The following PLS1 variants were observed in gnomAD, a reference collection of about 807,000 sequenced individuals.
The protein encoded by PLS1 is plastin 1.
PLS1 carries 32 observed loss-of-function variants against 73.7 expected under a neutral mutation model. That is an observed-to-expected ratio of 0.43 (90% CI 0.33 to 0.58). The LOEUF is 0.58. Among genes scored for constraint, PLS1 ranks in the 20% least tolerant of loss-of-function variants. The probability of loss-of-function intolerance (pLI) is 0.04; values close to 1 mark genes in which losing one functional copy is unlikely to be tolerated. For synonymous variants in PLS1, 217 were observed against 261.3 expected, an observed-to-expected ratio of 0.83 and a Z score of 1.63; for missense variants, 633 against 740.5, an observed-to-expected ratio of 0.85 and a Z score of 1.68.
chr3:142,706,117 TAGG>T (rs2038457166), intron 14 of PLS1, among the ~76,000 whole-genome samples: 1 of 152,186 alleles, frequency 6.6e-6, no homozygotes, highest in Admixed American at 6.5e-5. Context: ...AGAAAATATT[TAGG>T]AGCAAATTAA....
chr3:142,686,970 G>A (rs868442808), intron 9 of PLS1, among the ~76,000 whole-genome samples: 1 of 152,188 alleles, frequency 6.6e-6, no homozygotes, highest in African/African-American at 2.4e-5. Flanking sequence ...TCAATTATCA[G>A]TTTTACCAGC....
intron 6 of PLS1, among the ~76,000 whole-genome samples, chr3:142,683,521 A>C (rs1206545850): frequency 6.6e-6 from 1 of 152,154 alleles, no homozygotes; most frequent in Admixed American, 6.5e-5. Context: ...ATAAATAAAA[A>C]AGAGGATGGG....
At chr3:142,668,644 C>T (rs1024684340) in intron 2 of PLS1, among the ~76,000 whole-genome samples, 5 of 151,212 alleles carry the variant, frequency 3.3e-5, no homozygotes, top group Admixed American at 1.3e-4. Flanking sequence ...CTTTGTTGCC[C>T]AGGGTGGAGT....
At chr3:142,655,350 G>A (rs1470823924) in intron 1 of PLS1, among the ~76,000 whole-genome samples, 1 of 152,084 alleles carries the variant, frequency 6.6e-6, no homozygotes, top group Non-Finnish European at 1.5e-5. Context: ...GAAGACTGAA[G>A]CAGAAAAAAG....
At chr3:142,675,768 C>CG (rs981205775) in intron 4 of PLS1, among the ~76,000 whole-genome samples, 40 of 151,956 alleles carry the variant, frequency 2.6e-4, no homozygotes, top group Non-Finnish European at 5.3e-4. Context: ...CTCCACCCCC[C>CG]GGTTCAAGCA....
chr3:142,661,794 T>C (rs1454305865), intron 1 of PLS1, among the ~76,000 whole-genome samples: 2 of 152,336 alleles, frequency 1.3e-5, no homozygotes, highest in African/African-American at 4.8e-5. Flanking sequence ...AGAAATACAA[T>C]ATAATTCGTA....
At chr3:142,670,580 T>G (rs1461709321) in intron 3 of PLS1, among the ~76,000 whole-genome samples, 1 of 152,080 alleles carries the variant, frequency 6.6e-6, no homozygotes, top group East Asian at 1.9e-4. Flanking sequence ...GGAAAGGGAG[T>G]TTCTGTAAGC....
chr3:142,693,574 C>T lies in PLS1; in HGVS notation c.1178-895C>T, dbSNP rs151084722. ...CCATTCCACTGTCTAATAACTTTGC[C>T]GAAGAACAAATAATCATGATAGTTA... On this transcript the variant is annotated intron_variant, in intron 10 of 15. Transcript: ENST00000457734. Among the ~76,000 whole-genome samples the T allele has an allele frequency of 4.6e-5, 7 of 152,176 alleles. No homozygotes were observed. In the East Asian group the frequency reaches 7.7e-4, roughly 17 times the overall value.
chr3:142,603,322 A>G (rs1328100739), intron 1 of PLS1, among the ~76,000 whole-genome samples: 1 of 152,182 alleles, frequency 6.6e-6, no homozygotes, highest in African/African-American at 2.4e-5. Flanking sequence ...GAGTTAGATG[A>G]TTGGGAGAGT....
intron 1 of PLS1, among the ~76,000 whole-genome samples, chr3:142,604,935 C>CA (rs35003218): frequency 0.2 from 25,322 of 124,080 alleles, 2,635 homozygotes; most frequent in African/African-American, 0.33. Flanking sequence ...GACTCCGTCT[C>CA]AAAAAAAAAA....
rs548460913 is a variant in PLS1 at position 142,692,878 on chromosome 3, G to A, written c.1178-1591G>A. Among the ~76,000 whole-genome samples, 5 of 152,070 alleles carry A rather than the reference G, an allele frequency of 3.3e-5. No homozygotes were observed. The South Asian group carries it at 6.2e-4, about 19-fold the overall frequency. Reference sequence around the variant, plus strand: ...CTTTATGATAGATAGAGAAACAACTGAGAGGTAAATCCAAATCAAAGGCAT... The same window carrying A: ...CTTTATGATAGATAGAGAAACAACTAAGAGGTAAATCCAAATCAAAGGCAT... On this transcript the variant is annotated intron_variant, in intron 10 of 15. Coordinates refer to ENST00000457734, the MANE Select transcript of PLS1 (RefSeq NM_001145319.2).
chr3:142,608,120 T>C (rs895263188), intron 1 of PLS1, among the ~76,000 whole-genome samples: 6 of 152,166 alleles, frequency 3.9e-5, no homozygotes, highest in Admixed American at 3.9e-4. Context: ...GCTGGGATTA[T>C]TATAGGCATG....
intron 6 of PLS1, among the ~76,000 whole-genome samples, 180 bp downstream of exon 6, chr3:142,678,293 T>G (rs1473526743): frequency 6.6e-6 from 1 of 151,388 alleles, no homozygotes; most frequent in Non-Finnish European, 1.5e-5. Flanking sequence ...TTATTATACT[T>G]TAAGTTTTAG....
intron 1 of PLS1, among the ~76,000 whole-genome samples, chr3:142,634,915 CT>C (rs762435544): frequency 0.034 from 4,779 of 141,652 alleles, 175 homozygotes; most frequent in African/African-American, 0.1. Context: ...ACCATTGTAA[CT>C]TTTTTTTTTT....
chr3:142,668,899 G>T (rs2037538826), intron 2 of PLS1, among the ~76,000 whole-genome samples: 1 of 151,436 alleles, frequency 6.6e-6, no homozygotes, highest in Non-Finnish European at 1.5e-5. Flanking sequence ...ACTGCGCCTG[G>T]CCCCCCCCAT....
chr3:142,694,346 T>C, intron 10 of PLS1, 123 bp from the exon 11 acceptor site: 5 of 519,616 alleles, frequency 9.6e-6, no homozygotes, highest in Non-Finnish European at 1.7e-5. Context: ...TTAAAGAAAC[T>C]GTAGTATCTA....
At chr3:142,702,054 A>T (rs2038343087) in intron 12 of PLS1, among the ~76,000 whole-genome samples, 1 of 152,198 alleles carries the variant, frequency 6.6e-6, no homozygotes, top group African/African-American at 2.4e-5. Context: ...AAATTCTTTT[A>T]AAAACTTTTT....
chr3:142,652,966 A>G (rs2037132187), intron 1 of PLS1, among the ~76,000 whole-genome samples: 1 of 152,110 alleles, frequency 6.6e-6, no homozygotes, highest in Admixed American at 6.5e-5. Context: ...TGATTTCAGT[A>G]TGTTGTCTTT....
intron 6 of PLS1, among the ~76,000 whole-genome samples, chr3:142,682,554 C>T (rs2037877749): frequency 6.6e-6 from 1 of 152,214 alleles, no homozygotes; most frequent in Non-Finnish European, 1.5e-5. Context: ...ACCATGCTGT[C>T]AACTGCATAT....
Sources: allele counts gnomAD v4.1 joint callset (sites outside exome capture counted in the v4.1 genomes callset), GRCh38; gene constraint gnomAD v4.1.1; transcripts MANE v1.5; gene names NCBI Gene and HGNC (gene_info 2026-07-23, HGNC 2026-07-21).